Variants in PVT1 observed in about 807,000 individuals in gnomAD.
The protein encoded by PVT1 is Pvt1 oncogene, also known as CXCR4/PVT1 fusion.
chr8:128,014,200 C>T (rs966000333), intron 4 of PVT1, among the ~76,000 whole-genome samples: 1 of 152,188 alleles, frequency 6.6e-6, no homozygotes, highest in East Asian at 1.9e-4. Context: ...CACTGCCTGA[C>T]ACATGGCAGG....
chr8:127,893,510 G>A (rs936890147), intron 3 of PVT1, among the ~76,000 whole-genome samples: 1 of 152,180 alleles, frequency 6.6e-6, no homozygotes, highest in Non-Finnish European at 1.5e-5. Context: ...GCCTCCTAAA[G>A]AGCTGCGATT....
chr8:128,003,161 C>CT (rs71300290), intron 4 of PVT1, among the ~76,000 whole-genome samples: 60,002 of 127,828 alleles, frequency 0.47, 14,409 homozygotes, highest in East Asian at 0.55. Flanking sequence ...ACCACCACAC[C>CT]TTTTTTTTTT....
At chr8:127,893,666 T>TGA (rs2129809778) in intron 3 of PVT1, among the ~76,000 whole-genome samples, 1 of 152,338 alleles carries the variant, frequency 6.6e-6, no homozygotes, top group South Asian at 2.1e-4. Flanking sequence ...TGCCTGGAGC[T>TGA]GAGAGATGCA....
At chr8:128,021,151 T>C (rs947432343) in intron 4 of PVT1, among the ~76,000 whole-genome samples, 1 of 152,090 alleles carries the variant, frequency 6.6e-6, no homozygotes, top group East Asian at 1.9e-4. Context: ...GCGGCTTTGC[T>C]TCCATCGCTC....
intron 2 of PVT1, among the ~76,000 whole-genome samples, chr8:127,863,937 G>A (rs973173968): frequency 1.3e-5 from 2 of 152,216 alleles, no homozygotes; most frequent in African/African-American, 4.8e-5. Flanking sequence ...ATGCCCGCTG[G>A]CATCACTGAT....
At chr8:127,901,200 T>C (rs556921332) in intron 3 of PVT1, among the ~76,000 whole-genome samples, 4 of 151,084 alleles carry the variant, frequency 2.6e-5, no homozygotes, top group Non-Finnish European at 5.9e-5. Context: ...TTTTGGGGAG[T>C]TGGATGCACA....
At chr8:127,968,876 A>G (rs1039349945) in intron 3 of PVT1, among the ~76,000 whole-genome samples, 1 of 152,156 alleles carries the variant, frequency 6.6e-6, no homozygotes, top group Non-Finnish European at 1.5e-5. Flanking sequence ...GCACCAAGTC[A>G]AGGGAGGCCA....
intron 4 of PVT1, chr8:127,996,685 A>T (rs1817107294): frequency 6.6e-6 from 1 of 152,200 alleles, no homozygotes; most frequent in South Asian, 2.1e-4. Flanking sequence ...TCTAAGTGCC[A>T]TCCTCCCTGA....
chr8:128,049,839 C>A (rs73710123), intron 4 of PVT1, among the ~76,000 whole-genome samples: 4,641 of 152,250 alleles, frequency 0.03, 157 homozygotes, highest in East Asian at 0.17. Flanking sequence ...CCTCTCTGTG[C>A]GTCCGACTTC....
intron 3 of PVT1, among the ~76,000 whole-genome samples, chr8:127,961,675 C>T (rs890245890): frequency 6.6e-6 from 1 of 152,256 alleles, no homozygotes; most frequent in Non-Finnish European, 1.5e-5. Context: ...GTTACCCATA[C>T]ACATTACTGT....
At chr8:127,837,753 C>G (rs1814925256) in intron 2 of PVT1, among the ~76,000 whole-genome samples, 1 of 152,068 alleles carries the variant, frequency 6.6e-6, no homozygotes, top group Non-Finnish European at 1.5e-5. Context: ...TGCCCCAGCT[C>G]ATGGCTAGGA....
intron 2 of PVT1, among the ~76,000 whole-genome samples, chr8:127,873,779 C>G (rs886900234): frequency 3.3e-5 from 5 of 152,206 alleles, no homozygotes; most frequent in African/African-American, 1.2e-4. Flanking sequence ...CATTTCTCCA[C>G]TTTGCTGCCT....
intron 3 of PVT1, among the ~76,000 whole-genome samples, chr8:127,969,063 G>A (rs1033573942): frequency 6.6e-6 from 1 of 152,184 alleles, no homozygotes; most frequent in Non-Finnish European, 1.5e-5. Flanking sequence ...TGTACCCTGA[G>A]AATCTAATAC....
At chr8:127,874,616 T>A (rs1246329559) in intron 2 of PVT1, among the ~76,000 whole-genome samples, 10 of 152,202 alleles carry the variant, frequency 6.6e-5, no homozygotes, top group East Asian at 1.9e-4. Context: ...AAATTCTTGG[T>A]GTGCAGTGTC....
intron 3 of PVT1, chr8:127,939,848 C>G (rs1001281507): frequency 6.6e-6 from 1 of 152,218 alleles, no homozygotes; most frequent in Non-Finnish European, 1.5e-5. Flanking sequence ...AGGCACCTGC[C>G]TGCTGGGCCC....
intron 4 of PVT1, among the ~76,000 whole-genome samples, chr8:128,018,117 C>G (rs1817394461): frequency 1.3e-5 from 2 of 152,094 alleles, no homozygotes; most frequent in South Asian, 4.1e-4. Flanking sequence ...GGAAGGCCCT[C>G]CAGCACGTGC....
intron 4 of PVT1, among the ~76,000 whole-genome samples, chr8:128,065,528 T>C (rs915004324): frequency 1.1e-4 from 16 of 152,178 alleles, no homozygotes; most frequent in Admixed American, 2.0e-4. Flanking sequence ...GCTGTTTTTT[T>C]CCCTTTGGTC....
chr8:127,952,355 A>G (rs1028987436), intron 3 of PVT1, among the ~76,000 whole-genome samples: 7 of 152,290 alleles, frequency 4.6e-5, no homozygotes, highest in African/African-American at 1.7e-4. Flanking sequence ...AAGCTAATAA[A>G]AAAATCCCAG....
intron 3 of PVT1, among the ~76,000 whole-genome samples, chr8:127,982,685 A>G (rs4733810): frequency 1.4e-5 from 2 of 142,178 alleles, no homozygotes; most frequent in African/African-American, 6.1e-5. Flanking sequence ...TTAATAAAAT[A>G]AATGAATCAA....
Sources: allele counts gnomAD v4.1 joint callset (sites outside exome capture counted in the v4.1 genomes callset), GRCh38; gene constraint gnomAD v4.1.1; transcripts MANE v1.5; gene names NCBI Gene and HGNC (gene_info 2026-07-23, HGNC 2026-07-21).